The following TTLL11 variants were observed in gnomAD, a reference collection of about 807,000 sequenced individuals.
TTLL11 encodes the protein tubulin polyglutamylase TTLL11.
In TTLL11, 42 loss-of-function variants were observed where a neutral mutation model predicts 51.7. The ratio of observed to expected loss-of-function variants is 0.81; its 90% CI spans 0.64 to 1.05. The LOEUF is 1.05. Among genes scored for constraint, TTLL11 ranks in the 50% least tolerant of loss-of-function variants. The pLI, the probability that TTLL11 is intolerant of heterozygous loss-of-function variation, is 0.00. For missense variants in TTLL11, 799 were observed against 940.4 expected (o/e 0.85, Z 1.97); for synonymous variants, 381 against 383.5 (o/e 0.99, Z 0.08).
chr9:122,079,668 C>T (rs1006786542), intron 1 of TTLL11, among the ~76,000 whole-genome samples: 6 of 151,288 alleles, frequency 4.0e-5, no homozygotes, highest in Admixed American at 1.3e-4. Context: ...GAGATCGCAC[C>T]ACTGCACTCC....
chr9:121,826,189 T>C (rs1268570465), intron 8 of TTLL11, among the ~76,000 whole-genome samples: 2 of 97,730 alleles, frequency 2.0e-5, no homozygotes, highest in African/African-American at 1.0e-4. Context: ...GTAACCTATA[T>C]ATATATATAT....
At chr9:121,945,406 G>A (rs1356839528) in intron 6 of TTLL11, among the ~76,000 whole-genome samples, 2 of 152,190 alleles carry the variant, frequency 1.3e-5, no homozygotes, top group African/African-American at 4.8e-5. Flanking sequence ...TGGTAGATTG[G>A]GAGATTGCTC....
chr9:121,925,533 C>T (rs1840697877), intron 6 of TTLL11, among the ~76,000 whole-genome samples: 1 of 152,076 alleles, frequency 6.6e-6, no homozygotes, highest in Non-Finnish European at 1.5e-5. Context: ...GAGGCCCTCT[C>T]TCCTCTTCCT....
At chr9:122,059,626 C>A (rs942158160) in intron 1 of TTLL11, among the ~76,000 whole-genome samples, 2 of 152,154 alleles carry the variant, frequency 1.3e-5, no homozygotes, top group African/African-American at 4.8e-5. Flanking sequence ...AAATGTGTAA[C>A]CTGTATTAGC....
chr9:122,009,302 A>G (rs1307386976), intron 3 of TTLL11, among the ~76,000 whole-genome samples: 2 of 152,196 alleles, frequency 1.3e-5, no homozygotes, highest in African/African-American at 2.4e-5. Flanking sequence ...TGATAAATAC[A>G]TACATTTTTT....
chr9:121,891,645 C>G (rs1839236972), intron 6 of TTLL11, among the ~76,000 whole-genome samples: 1 of 152,142 alleles, frequency 6.6e-6, no homozygotes, highest in Non-Finnish European at 1.5e-5. Context: ...CTGACTGTAT[C>G]TATAATCATC....
intron 6 of TTLL11, among the ~76,000 whole-genome samples, chr9:121,942,138 T>C (rs1353209238): frequency 1.3e-5 from 2 of 152,222 alleles, no homozygotes; most frequent in African/African-American, 4.8e-5. Context: ...CAGCATCATC[T>C]ACCATTCCTG....
chr9:121,827,618 GC>G (rs892387388), intron 8 of TTLL11, among the ~76,000 whole-genome samples: 25 of 152,210 alleles, frequency 1.6e-4, no homozygotes, highest in Non-Finnish European at 2.4e-4. Flanking sequence ...ACGCGGGGAT[GC>G]CCCAAACTGC....
At chr9:121,971,670 C>G (rs1297682357) in intron 6 of TTLL11, among the ~76,000 whole-genome samples, 1 of 135,160 alleles carries the variant, frequency 7.4e-6, no homozygotes, top group Non-Finnish European at 1.6e-5. Context: ...GGATGGTTGC[C>G]GTGTCTGTGT....
At position 121,889,082 on chromosome 9, in the gene TTLL11, C is replaced by T. The variant is rs560103025; in HGVS notation, c.1482-18334G>A. Among the ~76,000 whole-genome samples the T allele has an allele frequency of 1.8e-4, 28 of 152,156 alleles. 1 individual carries two copies. Among genetic ancestry groups the T allele is most frequent in the African/African-American group, 6.5e-4 (27 of 41,548 alleles). On this transcript the variant is annotated intron_variant, in intron 6 of 8. Coordinates refer to ENST00000321582, the MANE Select transcript of TTLL11 (RefSeq NM_001139442.2). Reference sequence around the variant, plus strand: ...AGAATAGCAATAATATCTAATACATCGTGAGTTTACTCTGTGGCAGGCATG... The same window carrying T: ...AGAATAGCAATAATATCTAATACATTGTGAGTTTACTCTGTGGCAGGCATG...
intron 1 of TTLL11, among the ~76,000 whole-genome samples, chr9:122,043,049 T>C (rs1003068409): frequency 5.3e-5 from 8 of 152,110 alleles, no homozygotes; most frequent in African/African-American, 1.9e-4. Context: ...ACCCATAGAA[T>C]AGCACCAAGA....
chr9:121,831,376 C>T (rs558167257), intron 8 of TTLL11, among the ~76,000 whole-genome samples: 2 of 152,284 alleles, frequency 1.3e-5, no homozygotes, highest in African/African-American at 4.8e-5. Context: ...TCTTGAAGGG[C>T]TCTATCGGAG....
intron 3 of TTLL11, among the ~76,000 whole-genome samples, chr9:122,008,592 AC>A (rs1170044660): frequency 3.3e-5 from 5 of 152,216 alleles, no homozygotes; most frequent in Non-Finnish European, 4.4e-5. Flanking sequence ...AGAAAAGGGA[AC>A]CTTTGCACAC....
At chr9:122,068,550 G>A (rs951106331) in intron 1 of TTLL11, among the ~76,000 whole-genome samples, 1 of 152,066 alleles carries the variant, frequency 6.6e-6, no homozygotes, top group African/African-American at 2.4e-5. Context: ...CCTCCTCTAA[G>A]GTGGGGGTTA....
intron 6 of TTLL11, among the ~76,000 whole-genome samples, chr9:121,900,405 C>T (rs1453948625): frequency 6.6e-6 from 1 of 152,210 alleles, no homozygotes; most frequent in Non-Finnish European, 1.5e-5. Flanking sequence ...TCTCTGGTAG[C>T]TTTTATGATC....
At position 121,826,217 on chromosome 9, in the gene TTLL11, T is replaced by TATATATATATATATATATATAC. The variant is rs1491163835; in HGVS notation, c.1841-3339_1841-3338insGTATATATATATATATATATAT. ...ATATATATATATATATATATATATA[T>TATATATATATATATATATATAC]GCACACATATATATATACACGCACA... On this transcript the variant is annotated intron_variant, in intron 8 of 8. Transcript: ENST00000321582. Among the ~76,000 whole-genome samples, 7 of 58,100 alleles carry TATATATATATATATATATATAC rather than the reference T, an allele frequency of 1.2e-4. 1 individual carries two copies. The highest frequency in any genetic ancestry group is 6.7e-4 in the East Asian group (1 of 1,500). 38.1% of individuals were successfully genotyped at this position (58,100 alleles called of 152,430 possible).
chr9:122,035,791 C>T (rs1844684817), intron 2 of TTLL11, among the ~76,000 whole-genome samples: 1 of 152,084 alleles, frequency 6.6e-6, no homozygotes, highest in South Asian at 2.1e-4. Flanking sequence ...GCAAGCTGAC[C>T]CGTGTCACTG....
chr9:122,003,106 A>G (rs1391805090), intron 3 of TTLL11, among the ~76,000 whole-genome samples: 1 of 152,186 alleles, frequency 6.6e-6, no homozygotes, highest in Non-Finnish European at 1.5e-5. Flanking sequence ...CAGGATGTCA[A>G]GATAGAATAC....
chr9:122,003,476 T>A (rs961221523), intron 3 of TTLL11, among the ~76,000 whole-genome samples: 1 of 147,742 alleles, frequency 6.8e-6, no homozygotes, highest in Non-Finnish European at 1.5e-5. Flanking sequence ...GAAATATGCA[T>A]ACGTTCCTTT....
Sources: allele counts gnomAD v4.1 joint callset (sites outside exome capture counted in the v4.1 genomes callset), GRCh38; gene constraint gnomAD v4.1.1; transcripts MANE v1.5; gene names NCBI Gene and HGNC (gene_info 2026-07-23, HGNC 2026-07-21).